The following PTPRF variants were observed in gnomAD, a reference collection of about 807,000 sequenced individuals.
The protein encoded by PTPRF is protein tyrosine phosphatase receptor type F.
A neutral mutation model predicts 201.8 loss-of-function variants in PTPRF; 59 were observed. The observed-to-expected ratio is 0.29, with a 90% CI of 0.24 to 0.36. The LOEUF (loss-of-function observed/expected upper bound fraction) is 0.36. Among genes scored for constraint, PTPRF ranks in the 10% least tolerant of loss-of-function variants. PTPRF has a pLI of 1.00. For missense variants in PTPRF, 2,132 were observed against 2,690.5 expected, an observed-to-expected ratio of 0.79 and a Z score of 4.59; for synonymous variants, 1,088 against 1,089.7, an observed-to-expected ratio of 1.00 and a Z score of 0.03.
At chr1:43,532,915 C>A (rs911385275) in intron 1 of PTPRF, among the ~76,000 whole-genome samples, 2 of 152,146 alleles carry the variant, frequency 1.3e-5, no homozygotes, top group African/African-American at 4.8e-5. Context: ...GCTTTCTTGC[C>A]CCCTCTCGCA....
chr1:43,555,354 C>T (rs564584127), intron 5 of PTPRF, among the ~76,000 whole-genome samples: 34 of 151,102 alleles, frequency 2.3e-4, no homozygotes, highest in East Asian at 3.9e-4. Context: ...ACATACTGTC[C>T]GATGATTTGT....
In PTPRF at chr1:43,538,227, T is replaced by C; in HGVS notation, c.-96T>C. The C allele has an allele frequency of 2.5e-6, 1 of 398,690 alleles. No individual in the cohort carries two copies. Among genetic ancestry groups the C allele is most frequent in the African/African-American group, 2.1e-5 (1 of 48,770 alleles). The allele number at this position is 398,690 out of a possible 1,614,324, so 24.7% of individuals were successfully genotyped here. On this transcript the variant is annotated 5_prime_UTR_variant, in exon 2 of 34. Transcript: ENST00000359947. Reference sequence around the variant, plus strand: ...GAGTGGAGGCCCTGGTGCCCGGCCCTTGGTGCTGAGTATCCAGCAAGAGTG... The same window carrying C: ...GAGTGGAGGCCCTGGTGCCCGGCCCCTGGTGCTGAGTATCCAGCAAGAGTG...
chr1:43,529,124 A>G (rs187482117), upstream of PTPRF, among the ~76,000 whole-genome samples: 64 of 152,290 alleles, frequency 4.2e-4, no homozygotes, highest in African/African-American at 1.3e-3. Flanking sequence ...AAAGTTCTGG[A>G]AAAAAAGGCA....
Position 43,620,501 on chromosome 1 carries a change from G to A in PTPRF, c.5286G>A (p.Gln1762=). The change falls in exon 31 of 34, where the codon CAG becomes CAA. Residue 1762 remains glutamine (Q), a synonymous_variant. Transcript: ENST00000359947. ...YWPAERSARY[Q]YFVVDPMAEY... is the part of the protein sequence containing the mutation. ...CAGCAGAGCGCTCTGCTCGCTACCA[G>A]TACTTTGTTGTTGACCCGATGGCTG... 1 of 1,613,466 alleles carries A rather than the reference G, an allele frequency of 6.2e-7. No individual in the cohort carries two copies.
At chr1:43,592,359 G>T (rs1174331254) in intron 10 of PTPRF, 98 bp from the exon 11 acceptor site, 2 of 1,417,158 alleles carry the variant, frequency 1.4e-6, no homozygotes, top group Non-Finnish European at 1.9e-6. Context: ...TGGAGCCGTG[G>T]TGGGTCCAGA....
At chr1:43,593,464 T>C (rs993599579) in intron 11 of PTPRF, among the ~76,000 whole-genome samples, 30 of 152,080 alleles carry the variant, frequency 2.0e-4, no homozygotes, top group Admixed American at 2.0e-3. Flanking sequence ...CTGTGTGTGG[T>C]CACACAGCCA....
chr1:43,535,300 A>T (rs771307084), intron 1 of PTPRF, among the ~76,000 whole-genome samples: 26 of 152,052 alleles, frequency 1.7e-4, no homozygotes, highest in Non-Finnish European at 3.7e-4. Context: ...AAGAGACTCC[A>T]TGTTTGGGGT....
At chr1:43,566,838 C>T (rs766640663) in intron 5 of PTPRF, among the ~76,000 whole-genome samples, 40 of 152,290 alleles carry the variant, frequency 2.6e-4, no homozygotes, top group South Asian at 8.3e-4. Context: ...GTTTTATGGA[C>T]AGCTCTCCAC....
chr1:43,603,430 C>A lies in PTPRF; in HGVS notation c.2355C>A (p.Ser785Arg). 1 of 1,614,070 alleles carries A rather than the reference C, an allele frequency of 6.2e-7. No individual in the cohort carries two copies. Among genetic ancestry groups the A allele is most frequent in the African/African-American group, 1.3e-5 (1 of 75,032 alleles). ...EESEDYETTISGLTPETTYSV... is the reference protein window; with the variant it reads ...EESEDYETTIRGLTPETTYSV... ...TCCTCCCTCAGGAAACCACTATCAGCGGCCTGACCCCGGAGACCACCTACT... is the reference window on the plus strand; with the variant it reads ...TCCTCCCTCAGGAAACCACTATCAGAGGCCTGACCCCGGAGACCACCTACT... Residue 785 changes from serine to arginine, a missense_variant, in exon 15 of 34, where the codon AGC (serine) becomes AGA (arginine). Transcript: ENST00000359947. The surrounding 1 kb of genome is among the most constrained non-coding windows in gnomAD (Gnocchi z 5.8).
At chr1:43,562,607 G>A (rs951373049) in intron 5 of PTPRF, among the ~76,000 whole-genome samples, 5 of 150,942 alleles carry the variant, frequency 3.3e-5, no homozygotes, top group African/African-American at 1.2e-4. Flanking sequence ...GGGGTTTCAC[G>A]AAACATGTTG....
intron 11 of PTPRF, 85 bp downstream of exon 11, chr1:43,592,686 A>G: frequency 7.1e-7 from 1 of 1,407,486 alleles, no homozygotes; most frequent in Non-Finnish European, 9.3e-7. Flanking sequence ...CCCCTCGACC[A>G]GGCAGGTGGG....
chr1:43,595,100 T>A (rs187554972), intron 11 of PTPRF, among the ~76,000 whole-genome samples: 11 of 152,288 alleles, frequency 7.2e-5, no homozygotes, highest in African/African-American at 2.4e-4. Context: ...GCTGAGAATG[T>A]GGAGGCAGCA....
chr1:43,567,734 T>G (rs1259914008), intron 5 of PTPRF, among the ~76,000 whole-genome samples: 1 of 152,196 alleles, frequency 6.6e-6, no homozygotes, highest in Non-Finnish European at 1.5e-5. Context: ...GAGGGCTAGT[T>G]TCTGCCAGCC....
At chr1:43,577,721 G>A (rs552638) in intron 6 of PTPRF, among the ~76,000 whole-genome samples, 48,066 of 152,022 alleles carry the variant, frequency 0.32, 7,967 homozygotes, top group Middle Eastern at 0.37. Context: ...GGGAAGGTGG[G>A]GGCTGTCAGG....
chr1:43,619,856 T>C lies in PTPRF; in HGVS notation c.5109T>C (p.Tyr1703=), dbSNP rs762532187. Residue 1703 remains tyrosine, a splice_region_variant and synonymous_variant, in exon 29 of 34, where the codon TAT becomes TAC. Transcript: ENST00000359947. The part of the protein sequence containing the change: ...DYINASFLDG[Y]RQQKAYIATQ... The stretch of plus-strand genomic sequence containing the variant: ...TCAATGCCAGCTTCCTGGATGGTTA[T>C]AGGTCAGCATGCATGTCACTGCCCC... 1.9e-6 allele frequency: 3 copies of C among 1,613,928 alleles called. No homozygotes were observed. The highest frequency in any genetic ancestry group is 1.6e-4 in the Middle Eastern group (1 of 6,062).
Position 43,553,697 on chromosome 1 carries a change from C to A in PTPRF, c.237+60C>A. On this transcript the variant is annotated intron_variant, in intron 4 of 33. Transcript: ENST00000359947. This position sits in a 1 kb window ranked among gnomAD's most constrained non-coding sequence, Gnocchi z 4.1. ...AGGGTCTGCCCACACTCTCTCCTTT[C>A]AGTGTCCCTCCTCATGGACCTTTTG... 1 of 1,609,742 alleles carries A rather than the reference C, an allele frequency of 6.2e-7. No homozygotes were observed. Among genetic ancestry groups the A allele is most frequent in the South Asian group, 1.1e-5 (1 of 90,570 alleles).
At chr1:43,573,596 G>A (rs981104216) in intron 6 of PTPRF, among the ~76,000 whole-genome samples, 1 of 152,222 alleles carries the variant, frequency 6.6e-6, no homozygotes, top group African/African-American at 2.4e-5. Context: ...CATCTGCGGG[G>A]CCTGCCAGGA....
chr1:43,540,845 T>G (rs895280232), intron 2 of PTPRF, among the ~76,000 whole-genome samples: 1 of 152,230 alleles, frequency 6.6e-6, no homozygotes, highest in Non-Finnish European at 1.5e-5. Context: ...GGGTCCTGGC[T>G]GAGACTATAA....
intron 5 of PTPRF, among the ~76,000 whole-genome samples, chr1:43,559,161 G>C (rs1645610238): frequency 6.6e-6 from 1 of 152,262 alleles, no homozygotes; most frequent in African/African-American, 2.4e-5. Context: ...GGCAGTGTTT[G>C]TGTGAAGTGT....
Sources: allele counts gnomAD v4.1 joint callset (sites outside exome capture counted in the v4.1 genomes callset), GRCh38; gene constraint gnomAD v4.1.1; non-coding constraint Gnocchi (gnomAD v3.1); transcripts MANE v1.5; gene names NCBI Gene and HGNC (gene_info 2026-07-23, HGNC 2026-07-21).